MTERF3: variants seen among roughly 807,000 people sequenced by gnomAD.
MTERF3 encodes the protein transcription termination factor 3, mitochondrial.
MTERF3 carries 40 observed loss-of-function variants against 40.5 expected under a neutral mutation model. The ratio of observed to expected loss-of-function variants is 0.99; its 90% CI spans 0.77 to 1.29. MTERF3 has a LOEUF of 1.29. Among genes scored for constraint, MTERF3 ranks in the 50% most tolerant of loss-of-function variants. The pLI is 0.00. For missense variants in MTERF3, 452 were observed against 478.2 expected (o/e 0.95, Z 0.51); for synonymous variants, 158 against 166.6 (o/e 0.95, Z 0.40).
At chr8:96,259,910 A>AT (rs1480885586) in intron 1 of MTERF3, among the ~76,000 whole-genome samples, 16 of 149,354 alleles carry the variant, frequency 1.1e-4, no homozygotes, top group African/African-American at 2.7e-4. Flanking sequence ...TATTATTATT[A>AT]TTATTTTTTT....
At chr8:96,257,508 C>T (rs181426555) in intron 2 of MTERF3, among the ~76,000 whole-genome samples, 1 of 152,254 alleles carries the variant, frequency 6.6e-6, no homozygotes, top group Admixed American at 6.5e-5. Flanking sequence ...GTAATCATAT[C>T]CCGAAAGTCT....
chr8:96,247,832 C>T (rs1297251271), intron 4 of MTERF3, among the ~76,000 whole-genome samples: 1 of 152,016 alleles, frequency 6.6e-6, no homozygotes, highest in Non-Finnish European at 1.5e-5. Context: ...AAAATATCTG[C>T]AACATGTCTC....
At position 96,250,662 on chromosome 8, in the gene MTERF3, GAAGAAGAAGA is replaced by G. The variant is rs1810150519; in HGVS notation, c.677+234_677+243del. Among the ~76,000 whole-genome samples the G allele has an allele frequency of 2.1e-4, 7 of 32,662 alleles. 2 individuals are homozygous for G. Among genetic ancestry groups the G allele is most frequent in the African/African-American group, 7.9e-4 (7 of 8,864 alleles). The allele number at this position is 32,662 out of a possible 152,430, so 21.4% of individuals were successfully genotyped here. A position where few individuals can be genotyped will look rare whatever the true frequency, so the allele number is the denominator to read the frequency against. On this transcript the variant is annotated intron_variant, in intron 4 of 7. Transcript: ENST00000287025. ...AGAAGAAGAAGAAGAAGAAGAAGAA[GAAGAAGAAGA>G]AGAAGAAGAAGGAGGAGGAGGAGGG...
Position 96,258,396 on chromosome 8 carries a change from G to A in MTERF3, c.295C>T (p.Gln99Ter), listed in dbSNP as rs756106575. 2 of 1,613,804 alleles carry A rather than the reference G, an allele frequency of 1.2e-6. No individual in the cohort carries two copies. The highest frequency in any genetic ancestry group is 1.7e-6 in the Non-Finnish European group (2 of 1,179,760). ...PSMNEQSQKT[Q>*]NISSFDSELF... The stretch of plus-strand genomic sequence containing the variant: ...TCAGAATCAAAGCTGGATATATTTT[G>A]TGTCTTCTGTGACTGTTCATTCATG... Residue 99 changes from glutamine to a stop codon, truncating the protein, a stop_gained, in exon 2 of 8, where the codon CAA (glutamine) becomes TAA (stop). Transcript: ENST00000287025. LOFTEE classifies it high-confidence loss of function.
intron 7 of MTERF3, among the ~76,000 whole-genome samples, chr8:96,241,406 C>T (rs891243981): frequency 3.4e-5 from 5 of 148,994 alleles, no homozygotes; most frequent in African/African-American, 7.5e-5. Context: ...CAGACTCCAT[C>T]GCAAAAAAAA....
intron 4 of MTERF3, among the ~76,000 whole-genome samples, chr8:96,249,241 T>G (rs1435090811): frequency 6.6e-6 from 1 of 152,214 alleles, no homozygotes; most frequent in African/African-American, 2.4e-5. Context: ...GCAAATTATT[T>G]AACCTCTCTG....
chr8:96,239,674 T>C lies in MTERF3; in HGVS notation c.1071A>G (p.Thr357=). ...IIVKFPQVFN[T]RLFKVKERHL... ...GTCTTTCTTTGACCTTAAACAGCCT[T>C]GTATTAAATACCTAGAAAAGAAAAA... The change falls in exon 8 of 8, where the codon ACA becomes ACG. Residue 357 remains threonine, a synonymous_variant. Coordinates refer to ENST00000287025, the MANE Select transcript of MTERF3 (RefSeq NM_015942.5). 6.3e-7 allele frequency: 1 copy of C among 1,582,098 alleles called. No homozygotes were observed. Among genetic ancestry groups the C allele is most frequent in the Non-Finnish European group, 8.5e-7 (1 of 1,171,176 alleles).
chr8:96,250,676 A>AG lies in MTERF3; in HGVS notation c.677+229dup, dbSNP rs1563549052. On this transcript the variant is annotated intron_variant, in intron 4 of 7. Coordinates refer to ENST00000287025, the MANE Select transcript of MTERF3 (RefSeq NM_015942.5). ...AAGAAGAAGAAGAAGAAGAAGAAGA[A>AG]GAAGAAGGAGGAGGAGGAGGGGGGG... Among the ~76,000 whole-genome samples the AG allele has an allele frequency of 2.4e-3, 93 of 38,844 alleles. 3 individuals are homozygous for AG. The highest frequency in any genetic ancestry group is 0.011 in the African/African-American group (85 of 7,534). 25.5% of individuals were successfully genotyped at this position (38,844 alleles called of 152,430 possible).
At chr8:96,259,925 AC>A (rs1810350480) in intron 1 of MTERF3, among the ~76,000 whole-genome samples, 1 of 150,200 alleles carries the variant, frequency 6.7e-6, no homozygotes, top group Admixed American at 6.6e-5. Context: ...TTTTTTTGAG[AC>A]GGAGTTTCGC....
At chr8:96,257,420 CAG>C (rs1411127855) in intron 2 of MTERF3, 1 of 230,132 alleles carries the variant, frequency 4.3e-6, no homozygotes, top group African/African-American at 2.3e-5. Context: ...AATTTTGAAA[CAG>C]AGATTGAGTT....
At chr8:96,239,928 A>G in intron 7 of MTERF3, 1 of 662,402 alleles carries the variant, frequency 1.5e-6, no homozygotes, top group Non-Finnish European at 2.7e-6. Flanking sequence ...TGTGCAAAGA[A>G]GATTGAGTGC....
chr8:96,242,456 G>T (rs943121743), intron 7 of MTERF3, among the ~76,000 whole-genome samples: 3 of 152,154 alleles, frequency 2.0e-5, no homozygotes, highest in Non-Finnish European at 4.4e-5. Context: ...AAAGGGCTTG[G>T]GTTTTTAAAC....
intron 3 of MTERF3, 101 bp downstream of exon 3, chr8:96,256,861 G>T: frequency 9.5e-7 from 1 of 1,055,684 alleles, no homozygotes; most frequent in Non-Finnish European, 1.3e-6. Context: ...TTTTGCTTAT[G>T]TTTGTATACT....
At chr8:96,241,684 G>A (rs1292936716) in intron 7 of MTERF3, among the ~76,000 whole-genome samples, 3 of 152,088 alleles carry the variant, frequency 2.0e-5, no homozygotes, top group African/African-American at 7.2e-5. Flanking sequence ...TGGTGGTGTG[G>A]GGGGAGAGTT....
At chr8:96,259,380 A>G (rs1247876029) in intron 1 of MTERF3, among the ~76,000 whole-genome samples, 2 of 138,938 alleles carry the variant, frequency 1.4e-5, no homozygotes, top group African/African-American at 5.5e-5. Flanking sequence ...GGAAAGGAGA[A>G]AAAAGCCTTC....
rs556115314 is a variant in MTERF3 at position 96,240,157 on chromosome 8, A to C, written c.1060-472T>G. 2.6e-5 allele frequency among the ~76,000 whole-genome samples: 4 copies of C among 152,100 alleles called. No individual in the cohort carries two copies. In the South Asian group the frequency reaches 8.3e-4, roughly 32 times the overall value. On this transcript the variant is annotated intron_variant, in intron 7 of 7. Transcript: ENST00000287025. ...CAGCTACTCAGGAGGCTGAGGCAGG[A>C]GAATTGGTTGAACCCAGGAGACGGA...
chr8:96,258,612 T>C lies in MTERF3; in HGVS notation c.79A>G (p.Thr27Ala), dbSNP rs1440861175. 1 of 1,614,150 alleles carries C rather than the reference T, an allele frequency of 6.2e-7. No homozygotes were observed. Among genetic ancestry groups the C allele is most frequent in the East Asian group, 2.2e-5 (1 of 44,876 alleles). Residue 27 changes from threonine to alanine, a missense_variant, in exon 2 of 8, where the codon ACA (threonine) becomes GCA (alanine). By Grantham distance (58) the Thr-to-Ala change is moderately conservative. Coordinates refer to ENST00000287025, the MANE Select transcript of MTERF3 (RefSeq NM_015942.5). The part of the protein sequence containing the change: ...LRSLINAAQL[T>A]KRFTRPARTL... Reference sequence around the variant, plus strand: ...CTTGCTGGTCTAGTAAAACGTTTTGTGAGTTGTGCAGCATTAATGAGGCTC... The same window carrying C: ...CTTGCTGGTCTAGTAAAACGTTTTGCGAGTTGTGCAGCATTAATGAGGCTC...
chr8:96,259,630 G>A (rs1340506303), intron 1 of MTERF3, among the ~76,000 whole-genome samples: 1 of 152,118 alleles, frequency 6.6e-6, no homozygotes, highest in Non-Finnish European at 1.5e-5. Context: ...ATAAAACACA[G>A]GATGGAGTCA....
intron 7 of MTERF3, among the ~76,000 whole-genome samples, chr8:96,240,866 C>T (rs1041276363): frequency 6.6e-6 from 1 of 152,092 alleles, no homozygotes; most frequent in Non-Finnish European, 1.5e-5. Context: ...TTGGAAAGGA[C>T]ACTATGAAAA....
Sources: gnomAD v4.1 joint callset for allele counts (sites outside exome capture counted in the v4.1 genomes callset) on GRCh38, gnomAD v4.1.1 for gene constraint, MANE v1.5 for transcripts, NCBI Gene and HGNC (gene_info 2026-07-23, HGNC 2026-07-21) for gene names.